KIFAP3: variants seen among roughly 807,000 people sequenced by gnomAD.
The protein encoded by KIFAP3 is kinesin-associated protein 3.
Under a neutral mutation model 106.5 loss-of-function variants are expected in KIFAP3, and 68 were observed. The observed-to-expected ratio is 0.64, with a 90% CI of 0.53 to 0.78. The LOEUF (loss-of-function observed/expected upper bound fraction) is 0.78, where lower values mean the gene tolerates loss of function less well. KIFAP3 is among the 30% of genes least tolerant of loss of function. KIFAP3 has a pLI of 0.00. For synonymous variants in KIFAP3, 320 were observed against 311.5 expected (o/e 1.03, Z -0.29); for missense variants, 780 against 941.8 (o/e 0.83, Z 2.25).
At chr1:170,003,614 TGC>T (rs1667779384) in intron 10 of KIFAP3, among the ~76,000 whole-genome samples, 3 of 144,936 alleles carry the variant, frequency 2.1e-5, no homozygotes, top group African/African-American at 7.7e-5. Context: ...TGTCTGTTTG[TGC>T]CCTGCCCCCA....
intron 18 of KIFAP3, chr1:169,958,016 C>T (rs1464995807): frequency 6.6e-6 from 1 of 152,194 alleles, no homozygotes; most frequent in Non-Finnish European, 1.5e-5. Flanking sequence ...ATCTCACTAC[C>T]GATCAGCATG....
At chr1:170,010,114 G>A (rs1235345744) in intron 10 of KIFAP3, among the ~76,000 whole-genome samples, 3 of 151,826 alleles carry the variant, frequency 2.0e-5, no homozygotes, top group Non-Finnish European at 4.4e-5. Flanking sequence ...ACTGAACTAA[G>A]CAGAAATAAA....
At chr1:170,019,186 AAACC>A (rs1440766007) in intron 9 of KIFAP3, among the ~76,000 whole-genome samples, 1 of 152,146 alleles carries the variant, frequency 6.6e-6, no homozygotes, top group Non-Finnish European at 1.5e-5. Flanking sequence ...TGTATCTATT[AAACC>A]AATTTACAGA....
chr1:169,980,288 C>T (rs562054), intron 15 of KIFAP3, among the ~76,000 whole-genome samples: 142,705 of 152,274 alleles, frequency 0.94, 66,951 homozygotes, highest in East Asian at 1. Context: ...ACAAAATGCA[C>T]ATATATTATG....
chr1:170,028,496 C>T (rs1669235013), intron 8 of KIFAP3, among the ~76,000 whole-genome samples: 3 of 152,096 alleles, frequency 2.0e-5, no homozygotes, highest in Non-Finnish European at 2.9e-5. Flanking sequence ...TGCCACCACA[C>T]CCAGCTAATT....
At chr1:170,021,044 G>C (rs78453892) in intron 9 of KIFAP3, among the ~76,000 whole-genome samples, 9,596 of 152,098 alleles carry the variant, frequency 0.063, 386 homozygotes, top group Non-Finnish European at 0.095. Context: ...TGAAAAGAAG[G>C]CACAGAAAAG....
intron 1 of KIFAP3, chr1:170,068,331 G>A (rs1671545647): frequency 6.6e-6 from 1 of 151,936 alleles, no homozygotes; most frequent in Non-Finnish European, 1.5e-5. Context: ...TAAGAAAAAG[G>A]AGAAACACAA....
intron 1 of KIFAP3, among the ~76,000 whole-genome samples, chr1:170,073,548 C>T (rs935767828): frequency 6.6e-6 from 1 of 152,160 alleles, no homozygotes; most frequent in African/African-American, 2.4e-5. Flanking sequence ...CATCTTTCGT[C>T]CTTGTATCTC....
rs1162459576 is a variant in KIFAP3 at position 170,046,735 on chromosome 1, C to A, written c.296G>T (p.Arg99Leu). Residue 99 changes from arginine (R) to leucine (L), a missense_variant, in exon 3 of 20, where the codon CGC becomes CTC. By Grantham distance (102) the Arg-to-Leu change is moderately radical. This residue lies in a region of KIFAP3 where 588 missense variants were observed against 678.9 expected (regional missense o/e 0.87). Transcript: ENST00000361580. The part of the protein sequence containing the change: ...VEQLLYYLQN[R>L]RDSLSGKEKK... ...ACCTTTTCCTGACAATGAATCACGG[C>A]GGTTCTGTAGATAGTACAACAGCTG... 2 of 1,569,884 alleles carry A rather than the reference C, an allele frequency of 1.3e-6. No individual in the cohort carries two copies. The highest frequency in any genetic ancestry group is 1.7e-6 in the Non-Finnish European group (2 of 1,157,194).
At chr1:169,945,377 A>G (rs1664386106) in intron 19 of KIFAP3, among the ~76,000 whole-genome samples, 1 of 152,060 alleles carries the variant, frequency 6.6e-6, no homozygotes, top group African/African-American at 2.4e-5. Context: ...GGGCGGCTGC[A>G]GCTGTGCCCA....
At chr1:169,947,941 AC>A (rs1664526565) in intron 19 of KIFAP3, among the ~76,000 whole-genome samples, 1 of 151,140 alleles carries the variant, frequency 6.6e-6, no homozygotes, top group Admixed American at 6.6e-5. Context: ...TACTTAGAGA[AC>A]CAGTGTAATA....
chr1:170,055,331 C>T lies in KIFAP3; in HGVS notation c.138G>A (p.Leu46=), dbSNP rs1395026673. The stretch of plus-strand genomic sequence containing the variant: ...TTTTTTGACATTCTTTTCGTTCTCC[C>T]AACATGGGGTCCCCCATTTCTCCAA... ...TILGEMGDPM[L]GERKECQKII... The change falls in exon 2 of 20, where the codon TTG becomes TTA. Residue 46 remains leucine, a synonymous_variant. Coordinates refer to ENST00000361580, the MANE Select transcript of KIFAP3 (RefSeq NM_014970.4). 6 of 1,604,480 alleles carry T rather than the reference C, an allele frequency of 3.7e-6. No individual in the cohort carries two copies. The highest frequency in any genetic ancestry group is 5.1e-6 in the Non-Finnish European group (6 of 1,177,536).
chr1:170,017,410 A>G (rs1334443566), intron 9 of KIFAP3, among the ~76,000 whole-genome samples: 1 of 146,560 alleles, frequency 6.8e-6, no homozygotes, highest in African/African-American at 2.5e-5. Flanking sequence ...GGAATAAAGT[A>G]AAAAAAAAAA....
chr1:169,973,849 G>A (rs1205123072), intron 16 of KIFAP3, among the ~76,000 whole-genome samples: 1 of 151,732 alleles, frequency 6.6e-6, no homozygotes. Flanking sequence ...ATGAAAGAAA[G>A]TCAGCTCGAA....
chr1:170,003,242 TAAC>T (rs1307343613), intron 10 of KIFAP3, among the ~76,000 whole-genome samples: 2 of 152,198 alleles, frequency 1.3e-5, no homozygotes, highest in Non-Finnish European at 2.9e-5. Flanking sequence ...TATAGACCAG[TAAC>T]AACCAATAAC....
At chr1:170,048,130 T>C (rs181165951) in intron 2 of KIFAP3, among the ~76,000 whole-genome samples, 1 of 152,284 alleles carries the variant, frequency 6.6e-6, no homozygotes, top group African/African-American at 2.4e-5. Context: ...ATGACTTAGA[T>C]ATTATTCCCA....
At chr1:170,005,521 G>T (rs911176930) in intron 10 of KIFAP3, among the ~76,000 whole-genome samples, 1 of 151,902 alleles carries the variant, frequency 6.6e-6, no homozygotes, top group African/African-American at 2.4e-5. Flanking sequence ...GGAACACTAT[G>T]CAGCCATAAA....
At chr1:169,990,044 A>T in intron 11 of KIFAP3, 1 of 1,540,958 alleles carries the variant, frequency 6.5e-7, no homozygotes, top group Non-Finnish European at 8.8e-7. Flanking sequence ...ATGCTTTGTT[A>T]TCATAGTGAC....
At chr1:170,000,781 T>C (rs1348178440) in intron 10 of KIFAP3, among the ~76,000 whole-genome samples, 1 of 152,122 alleles carries the variant, frequency 6.6e-6, no homozygotes, top group Non-Finnish European at 1.5e-5. Context: ...TATTTGTCTA[T>C]AGTCGAGATT....
Sources: allele counts gnomAD v4.1 joint callset (sites outside exome capture counted in the v4.1 genomes callset), GRCh38; gene constraint gnomAD v4.1.1; regional missense constraint gnomAD v4.1.1; transcripts MANE v1.5; gene names NCBI Gene and HGNC (gene_info 2026-07-23, HGNC 2026-07-21).